Variants in ST3GAL4 observed in about 807,000 individuals in gnomAD.
ST3GAL4 encodes the protein ST3 beta-galactoside alpha-2,3-sialyltransferase 4.
A neutral mutation model predicts 42.6 loss-of-function variants in ST3GAL4; 24 were observed. The observed-to-expected ratio is 0.56, with a 90% CI of 0.41 to 0.79. The LOEUF (loss-of-function observed/expected upper bound fraction) is 0.79. ST3GAL4 is among the 30% of genes least tolerant of loss of function. The pLI, the probability that ST3GAL4 is intolerant of heterozygous loss-of-function variation, is 0.00. For missense variants in ST3GAL4, 311 were observed against 430.8 expected (o/e 0.72, Z 2.46); for synonymous variants, 135 against 163.2 (o/e 0.83, Z 1.32).
chr11:126,368,378 A>G (rs1487539204), intron 1 of ST3GAL4, among the ~76,000 whole-genome samples: 1 of 152,250 alleles, frequency 6.6e-6, no homozygotes, highest in Non-Finnish European at 1.5e-5. Context: ...TGTCCAAGTC[A>G]GTCACCTGCT....
intron 1 of ST3GAL4, among the ~76,000 whole-genome samples, chr11:126,394,593 T>A (rs1347302433): frequency 6.6e-6 from 1 of 151,846 alleles, no homozygotes; most frequent in Non-Finnish European, 1.5e-5. Flanking sequence ...CCCGGCTAAT[T>A]TTTGTATTTT....
At chr11:126,374,866 A>C (rs969009974) in intron 1 of ST3GAL4, among the ~76,000 whole-genome samples, 37 of 152,156 alleles carry the variant, frequency 2.4e-4, no homozygotes, top group African/African-American at 8.7e-4. Flanking sequence ...AGAACTCCCC[A>C]GCCCGTAGCC....
chr11:126,380,156 G>A (rs1952943703), intron 1 of ST3GAL4, among the ~76,000 whole-genome samples: 1 of 151,914 alleles, frequency 6.6e-6, no homozygotes. Flanking sequence ...CAGCTACTTG[G>A]AAGGCTGAGG....
chr11:126,407,290 A>G lies in ST3GAL4; in HGVS notation c.221A>G (p.Asp74Gly). The change falls in exon 5 of 11, where the codon GAT becomes GGT. Residue 74 changes from aspartate to glycine, a missense_variant. Asp to Gly is a moderately conservative substitution (Grantham distance 94, BLOSUM62 -1). Coordinates refer to ENST00000444328, the MANE Select transcript of ST3GAL4 (RefSeq NM_001254757.2). ...CAGCCCATCTTCCTGCGGCTTGAGG[A>G]TTATTTCTGGGTCAAGACGCCATCT... ...RDQPIFLRLEDYFWVKTPSAY... is the reference protein window; with the variant it reads ...RDQPIFLRLEGYFWVKTPSAY... The G allele has an allele frequency of 1.2e-6, 2 of 1,614,056 alleles. No individual in the cohort carries two copies. Among genetic ancestry groups the G allele is most frequent in the Non-Finnish European group, 1.7e-6 (2 of 1,179,986 alleles).
At chr11:126,402,249 A>C (rs1954037287) in intron 1 of ST3GAL4, among the ~76,000 whole-genome samples, 1 of 152,066 alleles carries the variant, frequency 6.6e-6, no homozygotes, top group African/African-American at 2.4e-5. Context: ...TGAGGCCAGG[A>C]GTTGGACACC....
In ST3GAL4 at chr11:126,379,111, C is replaced by T. The variant is rs549734508; in HGVS notation, c.-61+23269C>T. ...AACTGCCAAGGGAAGGATACCAACC[C>T]TTTTCATAACGCCATTTTCCTGAAT... On this transcript the variant is annotated intron_variant, in intron 1 of 10. Transcript: ENST00000444328. The surrounding 1 kb of genome is among the most constrained non-coding windows in gnomAD (Gnocchi z 4.2). 6.6e-6 allele frequency among the ~76,000 whole-genome samples: 1 copy of T among 152,322 alleles called. No homozygotes were observed. The highest frequency in any genetic ancestry group is 2.1e-4 in the South Asian group (1 of 4,826).
rs144792984 is a variant in ST3GAL4 at position 126,368,476 on chromosome 11, C to T, written c.-61+12634C>T. On this transcript the variant is annotated intron_variant, in intron 1 of 10. Transcript: ENST00000444328. ...GGGAGGCCTTGGGGTCCCCAGCCTG[C>T]GCTGGGACAGGGGTATTATTCCGTC... Among the ~76,000 whole-genome samples, 263 of 152,326 alleles carry T rather than the reference C, an allele frequency of 1.7e-3. 4 individuals carry two copies. In the East Asian group the frequency reaches 0.041, roughly 24 times the overall value.
At chr11:126,389,958 G>A (rs1415191779) in intron 1 of ST3GAL4, among the ~76,000 whole-genome samples, 1 of 148,238 alleles carries the variant, frequency 6.7e-6, no homozygotes, top group African/African-American at 2.5e-5. Flanking sequence ...TGAATCACGA[G>A]GTCAGGAGAT....
rs2135450437 is a variant in ST3GAL4 at position 126,383,492 on chromosome 11, C to T, written c.-60-22604C>T. Among the ~76,000 whole-genome samples the T allele has an allele frequency of 6.6e-6, 1 of 152,260 alleles. No individual in the cohort carries two copies. The highest frequency in any genetic ancestry group is 1.5e-5 in the Non-Finnish European group (1 of 68,004). ...CTGAGGAATGGGGGAAAAGAGTGCCCTGGCTTGGGGGGGCCCTCAAGCCCC... is the reference window on the plus strand; with the variant it reads ...CTGAGGAATGGGGGAAAAGAGTGCCTTGGCTTGGGGGGGCCCTCAAGCCCC... On this transcript the variant is annotated intron_variant, in intron 1 of 10. Transcript: ENST00000444328. This position sits in a 1 kb window ranked among gnomAD's most constrained non-coding sequence, Gnocchi z 4.5.
chr11:126,391,606 C>T lies in ST3GAL4; in HGVS notation c.-60-14490C>T, dbSNP rs1953515341. 6.6e-6 allele frequency among the ~76,000 whole-genome samples: 1 copy of T among 152,200 alleles called. No homozygotes were observed. The highest frequency in any genetic ancestry group is 1.5e-5 in the Non-Finnish European group (1 of 68,042). ...TCAGTAGGTGGATCTGCATTCAGTG[C>T]AGGGCAGAGCCTGGGTGGCAGTGCC... On this transcript the variant is annotated intron_variant, in intron 1 of 10. Coordinates refer to ENST00000444328, the MANE Select transcript of ST3GAL4 (RefSeq NM_001254757.2). The surrounding 1 kb of genome is among the most constrained non-coding windows in gnomAD (Gnocchi z 5.5).
chr11:126,413,867 A>G (rs1276557687), intron 10 of ST3GAL4, 94 bp from the exon 11 acceptor site: 1 of 1,477,026 alleles, frequency 6.8e-7, no homozygotes, highest in Non-Finnish European at 9.4e-7. Flanking sequence ...AGCTCCCAAG[A>G]AGTGTGGGGC....
intron 1 of ST3GAL4, among the ~76,000 whole-genome samples, chr11:126,388,316 TTTTTA>T (rs1270982234): frequency 4.6e-5 from 7 of 152,298 alleles, no homozygotes; most frequent in Non-Finnish European, 7.4e-5. Flanking sequence ...CCTTTGGCTA[TTTTTA>T]TTTTATTTCT....
chr11:126,366,493 G>A lies in ST3GAL4; in HGVS notation c.-61+10651G>A, dbSNP rs1421153716. Among the ~76,000 whole-genome samples, 1 of 152,096 alleles carries A rather than the reference G, an allele frequency of 6.6e-6. No homozygotes were observed. Among genetic ancestry groups the A allele is most frequent in the Non-Finnish European group, 1.5e-5 (1 of 67,998 alleles). ...GAAGCCTGTGTAGGTTACTGACATG[G>A]GGAGGGGTGGGGCTTGCTTTCCTCA... is the stretch of plus-strand genomic sequence containing the variant. On this transcript the variant is annotated intron_variant, in intron 1 of 10. Transcript: ENST00000444328. This position sits in a 1 kb window ranked among gnomAD's most constrained non-coding sequence, Gnocchi z 4.2.
Position 126,386,796 on chromosome 11 carries a change from G to A in ST3GAL4, c.-60-19300G>A, listed in dbSNP as rs1013272168. Among the ~76,000 whole-genome samples the A allele has an allele frequency of 6.6e-6, 1 of 152,190 alleles. No homozygotes were observed. The highest frequency in any genetic ancestry group is 2.4e-5 in the African/African-American group (1 of 41,446). On this transcript the variant is annotated intron_variant, in intron 1 of 10. Coordinates refer to ENST00000444328, the MANE Select transcript of ST3GAL4 (RefSeq NM_001254757.2). This position sits in a 1 kb window ranked among gnomAD's most constrained non-coding sequence, Gnocchi z 4.7. ...GTGCACATCCAGATCTTTGCACTGCGCTGTTTTGACTTGGAGAGGAGAGGA... is the reference window on the plus strand; with the variant it reads ...GTGCACATCCAGATCTTTGCACTGCACTGTTTTGACTTGGAGAGGAGAGGA...
chr11:126,403,551 T>C, intron 1 of ST3GAL4: 4 of 620,344 alleles, frequency 6.4e-6, no homozygotes, highest in Non-Finnish European at 8.1e-6. Context: ...ACCAATTAAA[T>C]AAACATCTCG....
In ST3GAL4 at chr11:126,400,511, T is replaced by C. The variant is rs1016932223; in HGVS notation, c.-60-5585T>C. 3.9e-5 allele frequency among the ~76,000 whole-genome samples: 6 copies of C among 152,138 alleles called. No homozygotes were observed. The highest frequency in any genetic ancestry group is 1.4e-4 in the African/African-American group (6 of 41,432). On this transcript the variant is annotated intron_variant, in intron 1 of 10. Coordinates refer to ENST00000444328, the MANE Select transcript of ST3GAL4 (RefSeq NM_001254757.2). This position sits in a 1 kb window ranked among gnomAD's most constrained non-coding sequence, Gnocchi z 4.6. ...GGCAGCTACAGTGGGAGGGAAAAGG[T>C]GGCTCCCTTAGTGTGCTTGGGAGGA...
intron 1 of ST3GAL4, among the ~76,000 whole-genome samples, chr11:126,372,520 G>A (rs1466912806): frequency 1.3e-5 from 2 of 151,250 alleles, no homozygotes; most frequent in Non-Finnish European, 2.9e-5. Context: ...GGGTTCAAGC[G>A]ATTCTCCTGC....
intron 1 of ST3GAL4, among the ~76,000 whole-genome samples, chr11:126,381,463 G>A (rs1048880062): frequency 1.3e-5 from 2 of 151,138 alleles, no homozygotes; most frequent in Non-Finnish European, 2.9e-5. Flanking sequence ...AGGAGGAGGT[G>A]GAGATGGGGA....
intron 1 of ST3GAL4, among the ~76,000 whole-genome samples, chr11:126,371,492 C>T (rs1215264343): frequency 6.6e-6 from 1 of 152,118 alleles, no homozygotes; most frequent in Non-Finnish European, 1.5e-5. Context: ...TAAGCACGCA[C>T]TATTTACAAA....
Sources: allele counts gnomAD v4.1 joint callset (sites outside exome capture counted in the v4.1 genomes callset), GRCh38; gene constraint gnomAD v4.1.1; non-coding constraint Gnocchi (gnomAD v3.1); transcripts MANE v1.5; gene names NCBI Gene and HGNC (gene_info 2026-07-23, HGNC 2026-07-21).